MAML2: variants seen among roughly 807,000 people sequenced by gnomAD.
MAML2 encodes the protein mastermind like transcriptional coactivator 2, also known as mastermind-like protein 2.
A neutral mutation model predicts 96.1 loss-of-function variants in MAML2; 22 were observed. The ratio of observed to expected loss-of-function variants is 0.23; its 90% CI spans 0.16 to 0.33. MAML2 has a LOEUF of 0.33. Among genes scored for constraint, MAML2 ranks in the 10% least tolerant of loss-of-function variants. MAML2 has a pLI of 1.00. For synonymous variants in MAML2, 561 were observed against 521.3 expected, an observed-to-expected ratio of 1.08 and a Z score of -1.04; for missense variants, 1,367 against 1,392.4, an observed-to-expected ratio of 0.98 and a Z score of 0.29.
chr11:96,039,086 A>C (rs1858763643), intron 2 of MAML2, among the ~76,000 whole-genome samples: 1 of 152,126 alleles, frequency 6.6e-6, no homozygotes. Context: ...CCCTGTCTAC[A>C]CAAAAATGTT....
intron 2 of MAML2, among the ~76,000 whole-genome samples, chr11:96,066,501 T>C (rs190591479): frequency 1.4e-3 from 211 of 152,322 alleles, no homozygotes; most frequent in African/African-American, 4.8e-3. Context: ...GGCCTTGAGC[T>C]ACCTATATTT....
chr11:96,129,461 G>C (rs1860508488), intron 1 of MAML2, among the ~76,000 whole-genome samples: 2 of 151,816 alleles, frequency 1.3e-5, no homozygotes, highest in South Asian at 4.2e-4. Context: ...CACTGTTCTA[G>C]ATCATTACTT....
At position 96,193,707 on chromosome 11, in the gene MAML2, G is replaced by C. The variant is rs563226288; in HGVS notation, c.514-100190C>G. ...AAGGAATTTTTTCTTTGAAGAGCAAGATGCTTTATTTTTCTTTAGTTTTTA... is the reference window on the plus strand; with the variant it reads ...AAGGAATTTTTTCTTTGAAGAGCAACATGCTTTATTTTTCTTTAGTTTTTA... On this transcript the variant is annotated intron_variant, in intron 1 of 4. Coordinates refer to ENST00000524717, the MANE Select transcript of MAML2 (RefSeq NM_032427.4). Among the ~76,000 whole-genome samples, 37 of 152,306 alleles carry C rather than the reference G, an allele frequency of 2.4e-4. No homozygotes were observed. In the South Asian group the frequency reaches 7.7e-3, roughly 32 times the overall value.
intron 1 of MAML2, among the ~76,000 whole-genome samples, chr11:96,131,499 C>G (rs960273557): frequency 6.6e-6 from 1 of 152,090 alleles, no homozygotes; most frequent in South Asian, 2.1e-4. Context: ...ATGCTTTTCT[C>G]AAGTGTACAT....
At chr11:96,256,908 A>C (rs1452719824) in intron 1 of MAML2, among the ~76,000 whole-genome samples, 1 of 152,356 alleles carries the variant, frequency 6.6e-6, no homozygotes, top group East Asian at 1.9e-4. Context: ...CTGTGAAGAC[A>C]GAGGACACCC....
intron 1 of MAML2, among the ~76,000 whole-genome samples, chr11:96,227,995 G>A (rs745953221): frequency 6.6e-5 from 10 of 152,306 alleles, no homozygotes; most frequent in East Asian, 1.9e-4. Flanking sequence ...CCAGCCACTC[G>A]GGGGGCTGAG....
intron 1 of MAML2, among the ~76,000 whole-genome samples, chr11:96,154,662 T>C (rs889942666): frequency 1.3e-5 from 2 of 152,106 alleles, no homozygotes; most frequent in Non-Finnish European, 2.9e-5. Context: ...CTCTCAGAGG[T>C]AGCAGGCACT....
At chr11:96,184,863 G>A (rs1861548530) in intron 1 of MAML2, among the ~76,000 whole-genome samples, 1 of 152,014 alleles carries the variant, frequency 6.6e-6, no homozygotes, top group Non-Finnish European at 1.5e-5. Flanking sequence ...CAAAGTGCTG[G>A]GATTACAGGC....
At chr11:96,179,363 G>A (rs764802963) in intron 1 of MAML2, among the ~76,000 whole-genome samples, 5 of 152,142 alleles carry the variant, frequency 3.3e-5, no homozygotes, top group South Asian at 2.1e-4. Flanking sequence ...ATATGACTTC[G>A]AGGTCCACAG....
chr11:96,218,895 C>A (rs1209973282), intron 1 of MAML2, among the ~76,000 whole-genome samples: 1 of 152,164 alleles, frequency 6.6e-6, no homozygotes, highest in African/African-American at 2.4e-5. Context: ...TTTAACTGAG[C>A]ATTTTATATT....
chr11:96,042,112 G>A (rs1858823044), intron 2 of MAML2, among the ~76,000 whole-genome samples: 2 of 152,124 alleles, frequency 1.3e-5, no homozygotes, highest in South Asian at 4.1e-4. Context: ...GAGTGGCTGG[G>A]ACTACAGGCG....
intron 1 of MAML2, among the ~76,000 whole-genome samples, chr11:96,170,850 G>A (rs1002833769): frequency 3.3e-5 from 5 of 152,124 alleles, no homozygotes; most frequent in East Asian, 3.9e-4. Context: ...GAGTAGCTGG[G>A]ACTACAGGTG....
intron 3 of MAML2, among the ~76,000 whole-genome samples, chr11:95,990,611 G>C (rs1857893447): frequency 6.6e-6 from 1 of 152,136 alleles, no homozygotes; most frequent in Non-Finnish European, 1.5e-5. Flanking sequence ...GGCTTCTCTA[G>C]GGTGAAGAGA....
At chr11:96,073,791 T>G (rs1468414651) in intron 2 of MAML2, among the ~76,000 whole-genome samples, 1 of 152,212 alleles carries the variant, frequency 6.6e-6, no homozygotes, top group Non-Finnish European at 1.5e-5. Context: ...TGGTTGGCTA[T>G]TTATTTACTT....
intron 1 of MAML2, among the ~76,000 whole-genome samples, chr11:96,228,077 G>C (rs964978818): frequency 4.6e-5 from 7 of 152,054 alleles, no homozygotes; most frequent in Admixed American, 2.0e-4. Flanking sequence ...ACTCCAGCCT[G>C]GGGGGAGAAA....
At position 96,209,122 on chromosome 11, in the gene MAML2, T is replaced by C. The variant is rs117157415; in HGVS notation, c.514-115605A>G. ...TTGTCATCTTCCCAGTTTGATTACT[T>C]AAGTGTGTGACAAAAGACATAAGGG... On this transcript the variant is annotated intron_variant, in intron 1 of 4. Transcript: ENST00000524717. 6.9e-3 allele frequency among the ~76,000 whole-genome samples: 1,046 copies of C among 151,568 alleles called. 8 individuals are homozygous for C. Among genetic ancestry groups the C allele is most frequent in the Non-Finnish European group, 0.011 (730 of 67,942 alleles).
At chr11:96,140,289 T>C (rs1248719126) in intron 1 of MAML2, among the ~76,000 whole-genome samples, 1 of 152,260 alleles carries the variant, frequency 6.6e-6, no homozygotes, top group African/African-American at 2.4e-5. Context: ...GACTTCACCA[T>C]ACTGTTGACA....
At chr11:96,240,882 A>C (rs567817189) in intron 1 of MAML2, among the ~76,000 whole-genome samples, 55 of 152,326 alleles carry the variant, frequency 3.6e-4, no homozygotes, top group African/African-American at 1.3e-3. Flanking sequence ...AGTTATAATT[A>C]AGATGTCTAA....
intron 2 of MAML2, among the ~76,000 whole-genome samples, chr11:96,061,745 CTTTCCTT>C (rs965820609): frequency 2.0e-5 from 3 of 152,030 alleles, no homozygotes; most frequent in African/African-American, 7.2e-5. Flanking sequence ...TCAAACAAAA[CTTTCCTT>C]TTTCCTTTTC....
Sources: gnomAD v4.1 joint callset for allele counts (sites outside exome capture counted in the v4.1 genomes callset) on GRCh38, gnomAD v4.1.1 for gene constraint, MANE v1.5 for transcripts, NCBI Gene and HGNC (gene_info 2026-07-23, HGNC 2026-07-21) for gene names.